The following RNF150 variants were observed in gnomAD, a reference collection of about 807,000 sequenced individuals.
RNF150 encodes ring finger protein 150.
RNF150 carries 24 observed loss-of-function variants against 39.3 expected under a neutral mutation model. That is an observed-to-expected ratio of 0.61 (90% confidence interval 0.44 to 0.86). RNF150 has a LOEUF of 0.86. RNF150 is among the 40% of genes least tolerant of loss of function. RNF150 has a pLI of 0.00. For synonymous variants in RNF150, 255 were observed against 227.3 expected (o/e 1.12, Z -1.10); for missense variants, 502 against 587.8 (o/e 0.85, Z 1.51).
intron 2 of RNF150, among the ~76,000 whole-genome samples, chr4:140,959,527 A>G (rs1560987248): frequency 2.6e-5 from 4 of 152,180 alleles, no homozygotes; most frequent in South Asian, 2.1e-4. Flanking sequence ...CACTGGACTC[A>G]GGCACATATA....
At chr4:140,945,672 T>C (rs2111367819) in intron 4 of RNF150, among the ~76,000 whole-genome samples, 1 of 148,190 alleles carries the variant, frequency 6.7e-6, no homozygotes, top group East Asian at 2.0e-4. Context: ...TGACAGAGCT[T>C]TAAGTAAATA....
intron 1 of RNF150, among the ~76,000 whole-genome samples, chr4:141,018,827 G>T (rs1031501771): frequency 2.0e-5 from 3 of 151,932 alleles, no homozygotes; most frequent in African/African-American, 4.8e-5. Flanking sequence ...AAAATAAAAA[G>T]CAGGGAGGTA....
At chr4:140,875,240 T>C (rs546234646) in intron 6 of RNF150, among the ~76,000 whole-genome samples, 3 of 151,256 alleles carry the variant, frequency 2.0e-5, no homozygotes, top group Admixed American at 6.6e-5. Context: ...GTGATCATAG[T>C]TCACTCCAAC....
intron 6 of RNF150, among the ~76,000 whole-genome samples, chr4:140,875,144 T>A (rs544147867): frequency 1.3e-5 from 2 of 151,244 alleles, no homozygotes; most frequent in East Asian, 3.9e-4. Flanking sequence ...CCAGAGTCCA[T>A]GAACTTGACA....
intron 1 of RNF150, among the ~76,000 whole-genome samples, chr4:141,102,936 C>T (rs1560740066): frequency 1.3e-5 from 2 of 152,156 alleles, no homozygotes; most frequent in South Asian, 2.1e-4. Context: ...GTAATGGATG[C>T]CACAGCTTTT....
At chr4:141,036,466 T>C (rs1736151631) in intron 1 of RNF150, among the ~76,000 whole-genome samples, 1 of 152,198 alleles carries the variant, frequency 6.6e-6, no homozygotes, top group South Asian at 2.1e-4. Context: ...ATACATCCTG[T>C]TGTGCAGTAG....
At chr4:141,200,530 A>T (rs890684545) in intron 1 of RNF150, among the ~76,000 whole-genome samples, 1 of 150,552 alleles carries the variant, frequency 6.6e-6, no homozygotes, top group African/African-American at 2.5e-5. Flanking sequence ...GAGCTCTCTA[A>T]GGTCTCTTTT....
chr4:141,171,925 G>A (rs1727734946), intron 1 of RNF150, among the ~76,000 whole-genome samples: 1 of 152,130 alleles, frequency 6.6e-6, no homozygotes, highest in South Asian at 2.1e-4. Flanking sequence ...CTTCTCATGT[G>A]AGCGTCTAGT....
intron 6 of RNF150, among the ~76,000 whole-genome samples, chr4:140,874,440 TAAATATTTCTAGAATTGAG>T (rs1729068450): frequency 6.6e-6 from 1 of 152,240 alleles, no homozygotes; most frequent in Non-Finnish European, 1.5e-5. Flanking sequence ...AGGCACTTGG[TAAATATTTCTAGAATTGAG>T]ATAAAATTGT....
At chr4:140,879,246 GTTTTTC>G (rs1729286030) in intron 6 of RNF150, among the ~76,000 whole-genome samples, 2 of 152,068 alleles carry the variant, frequency 1.3e-5, no homozygotes, top group South Asian at 4.1e-4. Flanking sequence ...TTTTAGGACT[GTTTTTC>G]TGTTTCCACA....
At chr4:140,898,403 A>ATGT (rs1730041124) in intron 6 of RNF150, among the ~76,000 whole-genome samples, 1 of 152,124 alleles carries the variant, frequency 6.6e-6, no homozygotes, top group Non-Finnish European at 1.5e-5. Flanking sequence ...ATGGCTAACT[A>ATGT]CTATTACATA....
intron 1 of RNF150, among the ~76,000 whole-genome samples, chr4:141,179,648 CACAG>C (rs1313740009): frequency 2.6e-5 from 4 of 152,038 alleles, no homozygotes; most frequent in Non-Finnish European, 5.9e-5. Context: ...TCTGGATGGC[CACAG>C]ACAGAAATCT....
chr4:141,030,109 G>T (rs2110820795), intron 1 of RNF150, among the ~76,000 whole-genome samples: 1 of 152,082 alleles, frequency 6.6e-6, no homozygotes, highest in South Asian at 2.1e-4. Context: ...CAGGAGAATG[G>T]TGGGAACCCA....
chr4:141,082,680 C>T (rs1738203543), intron 1 of RNF150, among the ~76,000 whole-genome samples: 1 of 116,726 alleles, frequency 8.6e-6, no homozygotes, highest in Non-Finnish European at 1.9e-5. Flanking sequence ...GCTCCGCCTC[C>T]CAGGTTCACG....
intron 1 of RNF150, among the ~76,000 whole-genome samples, chr4:141,162,202 C>T (rs1727525617): frequency 6.6e-6 from 1 of 152,212 alleles, no homozygotes; most frequent in African/African-American, 2.4e-5. Context: ...TGGGAGCCCA[C>T]TCCCTGCATC....
intron 1 of RNF150, among the ~76,000 whole-genome samples, chr4:141,147,078 C>T (rs762926427): frequency 3.3e-5 from 5 of 152,140 alleles, no homozygotes; most frequent in Non-Finnish European, 7.4e-5. Flanking sequence ...CCTCAGCATC[C>T]CGAGTAGCTG....
chr4:141,194,930 T>C (rs1728174465), intron 1 of RNF150, among the ~76,000 whole-genome samples: 2 of 152,158 alleles, frequency 1.3e-5, no homozygotes, highest in Non-Finnish European at 2.9e-5. Context: ...GAGGATTAAA[T>C]GAGTTAATTA....
chr4:141,009,881 T>C (rs1735012941), intron 1 of RNF150, among the ~76,000 whole-genome samples: 1 of 152,222 alleles, frequency 6.6e-6, no homozygotes, highest in Non-Finnish European at 1.5e-5. Context: ...TAGGTATCTC[T>C]GCTCCTCTGC....
intron 1 of RNF150, among the ~76,000 whole-genome samples, chr4:141,115,576 T>A (rs1479534012): frequency 6.6e-6 from 1 of 152,218 alleles, no homozygotes; most frequent in East Asian, 1.9e-4. Context: ...AAGTAATTTA[T>A]TGATTCAAAG....
Sources: allele counts gnomAD v4.1 joint callset (sites outside exome capture counted in the v4.1 genomes callset), GRCh38; gene constraint gnomAD v4.1.1; transcripts MANE v1.5; gene names NCBI Gene and HGNC (gene_info 2026-07-23, HGNC 2026-07-21).